The following DIAPH3 variants were observed in gnomAD, a reference collection of about 807,000 sequenced individuals.
DIAPH3 encodes the protein diaphanous related formin 3.
Under a neutral mutation model 144.3 loss-of-function variants are expected in DIAPH3, and 117 were observed. That is an observed-to-expected ratio of 0.81 (90% CI 0.70 to 0.95). The LOEUF is 0.95. Among genes scored for constraint, DIAPH3 ranks in the 40% least tolerant of loss-of-function variants. The probability of loss-of-function intolerance (pLI) is 0.00; values close to 1 mark genes in which losing one functional copy is unlikely to be tolerated. For missense variants in DIAPH3, 1,421 were observed against 1,412.7 expected, an observed-to-expected ratio of 1.01 and a Z score of -0.09; for synonymous variants, 519 against 488.9, an observed-to-expected ratio of 1.06 and a Z score of -0.81.
chr13:59,959,171 C>T (rs1489894267), intron 17 of DIAPH3, among the ~76,000 whole-genome samples: 2 of 152,128 alleles, frequency 1.3e-5, no homozygotes, highest in African/African-American at 2.4e-5. Flanking sequence ...CCACTGCACC[C>T]AGTCTTCAAT....
Position 60,108,475 on chromosome 13 carries a change from G to T in DIAPH3, c.390+3535C>A, listed in dbSNP as rs867960185. ...AATACAAAAATTAGCTGGCATGGTG[G>T]TATGTGCCTGTAGTCCCTGCTACTC... is the stretch of plus-strand genomic sequence containing the variant. On this transcript the variant is annotated intron_variant, in intron 3 of 27. Coordinates refer to ENST00000400324, the MANE Select transcript of DIAPH3 (RefSeq NM_001042517.2). Among the ~76,000 whole-genome samples, 22 of 152,180 alleles carry T rather than the reference G, an allele frequency of 1.4e-4. No individual in the cohort carries two copies. The Middle Eastern group carries it at 0.014, about 95-fold the overall frequency.
intron 25 of DIAPH3, among the ~76,000 whole-genome samples, chr13:59,779,007 A>T (rs2038579866): frequency 6.6e-6 from 1 of 152,118 alleles, no homozygotes; most frequent in African/African-American, 2.4e-5. Flanking sequence ...AATGATTTCA[A>T]TTGTATTTCC....
At chr13:59,819,609 C>G (rs976283591) in intron 24 of DIAPH3, among the ~76,000 whole-genome samples, 5 of 151,596 alleles carry the variant, frequency 3.3e-5, no homozygotes, top group Admixed American at 3.3e-4. Context: ...TGTTTCATGA[C>G]CCAAAGGTTG....
At chr13:59,826,960 G>A (rs987614271) in intron 24 of DIAPH3, among the ~76,000 whole-genome samples, 22 of 151,926 alleles carry the variant, frequency 1.4e-4, no homozygotes, top group Non-Finnish European at 2.7e-4. Flanking sequence ...AAATGGTGCT[G>A]GGAAAACTGG....
chr13:60,148,631 T>A (rs1278666299), intron 1 of DIAPH3, among the ~76,000 whole-genome samples: 1 of 152,160 alleles, frequency 6.6e-6, no homozygotes, highest in Non-Finnish European at 1.5e-5. Flanking sequence ...GGGAAAGGAA[T>A]AACCAAAGAT....
intron 20 of DIAPH3, among the ~76,000 whole-genome samples, chr13:59,898,836 C>T (rs775356817): frequency 3.3e-5 from 5 of 151,994 alleles, no homozygotes; most frequent in Non-Finnish European, 4.4e-5. Context: ...AGTATTGTTC[C>T]TGGGTATGTC....
Position 59,766,788 on chromosome 13 carries a change from C to CA in DIAPH3, c.3319+7400dup, listed in dbSNP as rs11300341. On this transcript the variant is annotated intron_variant, in intron 27 of 27. Transcript: ENST00000400324. Reference sequence around the variant, plus strand: ...TTTCTTTTCTTCATATCTAGGCTTTCAAAAAAAAAAAAAGAAAGAAAGAAA... The same window carrying CA: ...TTTCTTTTCTTCATATCTAGGCTTTCAAAAAAAAAAAAAAGAAAGAAAGAAA... Among the ~76,000 whole-genome samples, 392 of 139,368 alleles carry CA rather than the reference C, an allele frequency of 2.8e-3. 2 individuals are homozygous for CA. The highest frequency in any genetic ancestry group is 9.1e-3 in the East Asian group (44 of 4,824). 91.4% of individuals were successfully genotyped at this position (139,368 alleles called of 152,430 possible). A position where few individuals can be genotyped will look rare whatever the true frequency, so the allele number is the denominator to read the frequency against.
At position 59,718,174 on chromosome 13, in the gene DIAPH3, C is replaced by T. The variant is rs189003427; in HGVS notation, c.3320-51328G>A. ...GGCACAAGGTCAGATCCTTGGCCAC[C>T]TCCCTGATGCCACGCTGCTGGTGGT... On this transcript the variant is annotated intron_variant, in intron 27 of 27. Transcript: ENST00000400324. Among the ~76,000 whole-genome samples, 57 of 150,874 alleles carry T rather than the reference C, an allele frequency of 3.8e-4. 1 individual carries two copies. The East Asian group carries it at 0.01, about 27-fold the overall frequency.
At chr13:59,888,722 T>A (rs148892146) in intron 20 of DIAPH3, among the ~76,000 whole-genome samples, 79 of 152,092 alleles carry the variant, frequency 5.2e-4, no homozygotes, top group Admixed American at 3.0e-3. Flanking sequence ...CTGGCATATT[T>A]CCCTTTTGCC....
chr13:60,134,962 T>C (rs1044656799), intron 1 of DIAPH3, among the ~76,000 whole-genome samples: 2 of 151,846 alleles, frequency 1.3e-5, no homozygotes, highest in East Asian at 1.9e-4. Context: ...ATAAATAATT[T>C]TAAAATAAAG....
chr13:59,825,223 CTCCCCT>C (rs1456178368), intron 24 of DIAPH3, among the ~76,000 whole-genome samples: 1 of 151,792 alleles, frequency 6.6e-6, no homozygotes, highest in Admixed American at 6.6e-5. Context: ...GAGTGTGATG[CTCCCCT>C]TCCTGTGTCC....
chr13:59,700,467 G>A (rs1459655419), intron 27 of DIAPH3, among the ~76,000 whole-genome samples: 3 of 152,214 alleles, frequency 2.0e-5, no homozygotes, highest in South Asian at 4.1e-4. Context: ...GGCAGAGAGA[G>A]AGAGCTCACC....
intron 27 of DIAPH3, among the ~76,000 whole-genome samples, chr13:59,730,266 C>G (rs753546956): frequency 1.3e-5 from 2 of 152,154 alleles, no homozygotes; most frequent in African/African-American, 2.4e-5. Context: ...CCTGGCACGC[C>G]AATTTCTATT....
intron 20 of DIAPH3, among the ~76,000 whole-genome samples, chr13:59,904,628 A>C (rs1164594573): frequency 1.3e-5 from 2 of 151,722 alleles, no homozygotes; most frequent in African/African-American, 4.8e-5. Context: ...GTCATGTACA[A>C]AGGACCAATG....
intron 23 of DIAPH3, among the ~76,000 whole-genome samples, chr13:59,837,007 CAA>C (rs1388456292): frequency 1.3e-5 from 2 of 151,902 alleles, no homozygotes; most frequent in African/African-American, 4.8e-5. Context: ...TTAATGTAAA[CAA>C]AGACTCGCAA....
In DIAPH3 at chr13:59,866,727, G is replaced by T. The variant is rs577160657; in HGVS notation, c.2608-5191C>A. Among the ~76,000 whole-genome samples, 7 of 152,132 alleles carry T rather than the reference G, an allele frequency of 4.6e-5. No homozygotes were observed. In the East Asian group the frequency reaches 1.4e-3, roughly 29 times the overall value. On this transcript the variant is annotated intron_variant, in intron 21 of 27. Transcript: ENST00000400324. ...TATCTATAAAGTTTAACCTTCAATG[G>T]ATTTATACCACTATATTTTAATAGC...
At chr13:60,129,333 C>T (rs144400306) in intron 2 of DIAPH3, among the ~76,000 whole-genome samples, 1 of 152,116 alleles carries the variant, frequency 6.6e-6, no homozygotes, top group Non-Finnish European at 1.5e-5. Context: ...TTATTTATTA[C>T]CCTAGCACCT....
intron 25 of DIAPH3, 44 bp downstream of exon 25, chr13:59,810,744 T>A: frequency 6.3e-7 from 1 of 1,595,788 alleles, no homozygotes. Context: ...CCCATATAAA[T>A]CTTAAGTATA....
At chr13:59,846,355 ATTTC>A (rs917100702) in intron 22 of DIAPH3, among the ~76,000 whole-genome samples, 10 of 152,164 alleles carry the variant, frequency 6.6e-5, no homozygotes, top group African/African-American at 2.4e-4. Context: ...AGGGAAATTG[ATTTC>A]TTTAAGGAAA....
Sources: allele counts gnomAD v4.1 joint callset (sites outside exome capture counted in the v4.1 genomes callset), GRCh38; gene constraint gnomAD v4.1.1; transcripts MANE v1.5; gene names NCBI Gene and HGNC (gene_info 2026-07-23, HGNC 2026-07-21).